The following MMP15 variants were observed in gnomAD, a reference collection of about 807,000 sequenced individuals.
MMP15 encodes the protein matrix metalloproteinase-15.
A neutral mutation model predicts 65.0 loss-of-function variants in MMP15; 36 were observed. The observed-to-expected ratio is 0.55, with a 90% CI of 0.42 to 0.73. The LOEUF is 0.73. Among genes scored for constraint, MMP15 ranks in the 30% least tolerant of loss-of-function variants. The pLI is 0.00. For synonymous variants in MMP15, 428 were observed against 410.2 expected (o/e 1.04, Z -0.52); for missense variants, 870 against 987.8 (o/e 0.88, Z 1.60).
At chr16:58,043,411 C>G (rs1393102075) in intron 8 of MMP15, 51 bp downstream of exon 8, 1 of 1,592,322 alleles carries the variant, frequency 6.3e-7, no homozygotes, top group East Asian at 2.3e-5. Context: ...CTAGGCCCCC[C>G]TCAACCTCAG....
Position 58,043,585 on chromosome 16 carries a change from A to T in MMP15, c.1528A>T (p.Ile510Phe). The T allele has an allele frequency of 6.2e-7, 1 of 1,613,496 alleles. No homozygotes were observed. Among genetic ancestry groups the T allele is most frequent in the Non-Finnish European group, 8.5e-7 (1 of 1,179,738 alleles). ...CAAGCCCATCAGTGTCTGGCAGGGG[A>T]TCCCTGCCTCCCCTAAAGGGGCCTT... Reference protein sequence around the residue: ...YPKPISVWQGIPASPKGAFLS... With the variant: ...YPKPISVWQGFPASPKGAFLS... The change falls in exon 9 of 10, where the codon ATC becomes TTC. Residue 510 changes from isoleucine to phenylalanine, a missense_variant. Physicochemically the swap from Ile to Phe is conservative, Grantham distance 21. Coordinates refer to ENST00000219271, the MANE Select transcript of MMP15 (RefSeq NM_002428.4).
chr16:58,039,863 A>G lies in MMP15; in HGVS notation c.441-12A>G, dbSNP rs1417937646. Reference sequence around the variant, plus strand: ...CCCTGCATCCGCTCACTCATCTCCCACCCACCCCCAGCATCCAGAACTACA... The same window carrying G: ...CCCTGCATCCGCTCACTCATCTCCCGCCCACCCCCAGCATCCAGAACTACA... On this transcript the variant is annotated splice_polypyrimidine_tract_variant and intron_variant, in intron 3 of 9. Transcript: ENST00000219271. 3 of 1,583,930 alleles carry G rather than the reference A, an allele frequency of 1.9e-6. No individual in the cohort carries two copies. Among genetic ancestry groups the G allele is most frequent in the Middle Eastern group, 1.7e-4 (1 of 5,858 alleles).
chr16:58,033,685 C>T (rs1959277913), intron 1 of MMP15, among the ~76,000 whole-genome samples: 1 of 152,180 alleles, frequency 6.6e-6, no homozygotes, highest in South Asian at 2.1e-4. Context: ...GGCGGATCAC[C>T]TGAGGTCAGT....
Position 58,037,573 on chromosome 16 carries a change from C to T in MMP15, c.264C>T (p.Arg88=), listed in dbSNP as rs1215904454. The change falls in exon 2 of 10, where the codon CGC becomes CGT. Residue 88 remains arginine (R), a synonymous_variant. Coordinates refer to ENST00000219271, the MANE Select transcript of MMP15 (RefSeq NM_002428.4). ...CCTCGGCCCTTGCAGAGATGCAGCG[C>T]TTCTACGGGATCCCAGTCACCGGTG... ...ILASALAEMQ[R]FYGIPVTGVL... is the part of the protein sequence containing the mutation. 1.2e-6 allele frequency: 2 copies of T among 1,614,218 alleles called. No individual in the cohort carries two copies. Among genetic ancestry groups the T allele is most frequent in the Non-Finnish European group, 1.7e-6 (2 of 1,180,042 alleles).
chr16:58,038,454 C>T (rs1567430354), intron 3 of MMP15, 60 bp downstream of exon 3: 3 of 1,603,174 alleles, frequency 1.9e-6, no homozygotes, highest in Non-Finnish European at 2.6e-6. Flanking sequence ...CCTCAGACCT[C>T]CTTTCCCAGA....
chr16:58,026,496 C>T lies in MMP15; in HGVS notation c.146C>T (p.Ala49Val). 1.5e-6 allele frequency: 2 copies of T among 1,371,568 alleles called. No homozygotes were observed. Among genetic ancestry groups the T allele is most frequent in the African/African-American group, 1.5e-5 (1 of 65,888 alleles). The allele number at this position is 1,371,568 out of a possible 1,614,324, so 85.0% of individuals were successfully genotyped here. The change falls in exon 1 of 10, where the codon GCG (alanine) becomes GTG (valine). Residue 49 changes from alanine to valine, a missense_variant. By Grantham distance (64) the Ala-to-Val change is moderately conservative. Transcript: ENST00000219271. ...GGCCTTGGCGTAGCGGCCGAAGACG[C>T]GGAGGTCCATGCCGAGGTAAGACCC... Reference protein sequence around the residue: ...CLGLGVAAEDAEVHAENWLRL... With the variant: ...CLGLGVAAEDVEVHAENWLRL...
chr16:58,033,795 C>G (rs999967577), intron 1 of MMP15, among the ~76,000 whole-genome samples: 9 of 152,238 alleles, frequency 5.9e-5, no homozygotes, highest in African/African-American at 2.2e-4. Flanking sequence ...CCCAGCTACT[C>G]AGGAGGCTGA....
chr16:58,043,057 C>T (rs751693842), intron 7 of MMP15, among the ~76,000 whole-genome samples, 153 bp from the exon 8 acceptor site: 10 of 152,106 alleles, frequency 6.6e-5, no homozygotes, highest in Non-Finnish European at 1.3e-4. Context: ...TCCATGAGTG[C>T]AGCATGTGAT....
chr16:58,028,448 G>T (rs1963854436), intron 1 of MMP15, among the ~76,000 whole-genome samples: 1 of 152,216 alleles, frequency 6.6e-6, no homozygotes, highest in Admixed American at 6.5e-5. Context: ...AGCTCCTACA[G>T]TTGGCTTTGG....
chr16:58,027,173 C>G (rs1295209234), intron 1 of MMP15, among the ~76,000 whole-genome samples: 1 of 152,226 alleles, frequency 6.6e-6, no homozygotes, highest in Non-Finnish European at 1.5e-5. Flanking sequence ...CCTCCCACAG[C>G]GCTTCCTCCC....
At chr16:58,043,134 C>T in intron 7 of MMP15, 76 bp from the exon 8 acceptor site, 1 of 1,390,780 alleles carries the variant, frequency 7.2e-7, no homozygotes, top group Non-Finnish European at 9.6e-7. Flanking sequence ...TTTGTGGGCC[C>T]AGAAGAGCAT....
rs371495223 is a variant in MMP15 at position 58,037,640 on chromosome 16, C to G, written c.311+20C>G. ...CAAGGAGTGAGTTCCCCCCACCATC[C>G]ACACCCCACAGGCACCTGCCTTCCA... On this transcript the variant is annotated intron_variant, in intron 2 of 9. Coordinates refer to ENST00000219271, the MANE Select transcript of MMP15 (RefSeq NM_002428.4). 3 of 1,613,864 alleles carry G rather than the reference C, an allele frequency of 1.9e-6. No homozygotes were observed. Among genetic ancestry groups the G allele is most frequent in the South Asian group, 2.2e-5 (2 of 91,070 alleles).
At chr16:58,031,917 G>T (rs1963894389) in intron 1 of MMP15, among the ~76,000 whole-genome samples, 1 of 139,534 alleles carries the variant, frequency 7.2e-6, no homozygotes, top group Admixed American at 7.7e-5. Flanking sequence ...GCCCAGGCTG[G>T]AGTGCAGTGG....
intron 1 of MMP15, among the ~76,000 whole-genome samples, chr16:58,031,755 C>T (rs926928709): frequency 6.6e-6 from 1 of 151,874 alleles, no homozygotes; most frequent in Non-Finnish European, 1.5e-5. Flanking sequence ...GATTTAATCC[C>T]AGACTAAGCA....
intron 1 of MMP15, among the ~76,000 whole-genome samples, chr16:58,034,993 G>T (rs749141625): frequency 1.3e-5 from 2 of 149,032 alleles, no homozygotes; most frequent in African/African-American, 4.9e-5. Context: ...GCCCATGATT[G>T]CGCTCCCAGA....
chr16:58,042,605 A>C (rs1959479330), intron 7 of MMP15, among the ~76,000 whole-genome samples: 1 of 152,188 alleles, frequency 6.6e-6, no homozygotes, highest in African/African-American at 2.4e-5. Flanking sequence ...TGTGCAGCAC[A>C]GGGCTCAGCC....
chr16:58,026,115 GC>G lies in MMP15; in HGVS notation c.-235del, dbSNP rs1340092833. Reference sequence around the variant, plus strand: ...CCGAGGCTGCGGAACCTCGCCGGGGGCAGCTCCGGTCGGCCCCCTTTCCCGC... The same window carrying G: ...CCGAGGCTGCGGAACCTCGCCGGGGGAGCTCCGGTCGGCCCCCTTTCCCGC... On this transcript the variant is annotated 5_prime_UTR_variant, in exon 1 of 10. Coordinates refer to ENST00000219271, the MANE Select transcript of MMP15 (RefSeq NM_002428.4). 2.6e-6 allele frequency: 1 copy of G among 390,374 alleles called. No homozygotes were observed. The highest frequency in any genetic ancestry group is 2.1e-5 in the African/African-American group (1 of 48,022). 24.2% of individuals were successfully genotyped at this position (390,374 alleles called of 1,614,324 possible). A position where few individuals can be genotyped will look rare whatever the true frequency, so the allele number is the denominator to read the frequency against.
chr16:58,032,341 A>G (rs895595771), intron 1 of MMP15, among the ~76,000 whole-genome samples: 1 of 152,244 alleles, frequency 6.6e-6, no homozygotes, highest in Non-Finnish European at 1.5e-5. Context: ...ACTAGCAGTC[A>G]GGACCAAGGG....
intron 3 of MMP15, among the ~76,000 whole-genome samples, chr16:58,039,369 T>C (rs942094187): frequency 2.0e-5 from 3 of 152,166 alleles, no homozygotes; most frequent in Middle Eastern, 3.4e-3. Flanking sequence ...GAGGTGGAGG[T>C]TGCAGTGAGC....
Sources: allele counts gnomAD v4.1 joint callset (sites outside exome capture counted in the v4.1 genomes callset), GRCh38; gene constraint gnomAD v4.1.1; transcripts MANE v1.5; gene names NCBI Gene and HGNC (gene_info 2026-07-23, HGNC 2026-07-21).